The following CYB5D2 variants were observed in gnomAD, a reference collection of about 807,000 sequenced individuals.
CYB5D2 encodes neuferricin.
CYB5D2 carries 23 observed loss-of-function variants against 22.8 expected under a neutral mutation model. The observed-to-expected ratio is 1.01, with a 90% CI of 0.73 to 1.43. The LOEUF (loss-of-function observed/expected upper bound fraction) is 1.43, where lower values mean the gene tolerates loss of function less well. Ranked by LOEUF, CYB5D2 falls within the 40% of genes most tolerant of loss-of-function variation. The pLI, the probability that CYB5D2 is intolerant of heterozygous loss-of-function variation, is 0.00. For synonymous variants in CYB5D2, 170 were observed against 152.2 expected, an observed-to-expected ratio of 1.12 and a Z score of -0.86; for missense variants, 373 against 357.2, an observed-to-expected ratio of 1.04 and a Z score of -0.36.
chr17:4,143,197 G>A lies in CYB5D2; in HGVS notation c.-559G>A. 3.0e-6 allele frequency: 1 copy of A among 333,862 alleles called. No individual in the cohort carries two copies. Among genetic ancestry groups the A allele is most frequent in the Non-Finnish European group, 5.2e-6 (1 of 193,162 alleles). The allele number at this position is 333,862 out of a possible 1,614,324, so 20.7% of individuals were successfully genotyped here. On this transcript the variant is annotated 5_prime_UTR_variant, in exon 1 of 4. Transcript: ENST00000301391. The stretch of plus-strand genomic sequence containing the variant: ...ACGTCATTCCGTAGCCTCCGCTGCC[G>A]CCATCTTTGTTGGGGCTGACAACCT...
At chr17:4,156,636 G>A (rs566638544) in intron 3 of CYB5D2, among the ~76,000 whole-genome samples, 1 of 152,230 alleles carries the variant, frequency 6.6e-6, no homozygotes, top group African/African-American at 2.4e-5. Flanking sequence ...AAGGAACCAT[G>A]GACTGTGCCC....
intron 1 of CYB5D2, among the ~76,000 whole-genome samples, chr17:4,148,993 C>T (rs1380564169): frequency 1.3e-5 from 2 of 151,134 alleles, no homozygotes; most frequent in Admixed American, 6.6e-5. Flanking sequence ...CACCCTGTCA[C>T]GCAGGCTGGA....
chr17:4,157,495 T>G lies in CYB5D2; in HGVS notation c.*413T>G. 1 of 217,718 alleles carries G rather than the reference T, an allele frequency of 4.6e-6. No individual in the cohort carries two copies. Among genetic ancestry groups the G allele is most frequent in the Non-Finnish European group, 9.1e-6 (1 of 109,298 alleles). The allele number at this position is 217,718 out of a possible 1,614,324, so 13.5% of individuals were successfully genotyped here. A position where few individuals can be genotyped will look rare whatever the true frequency, so the allele number is the denominator to read the frequency against. On this transcript the variant is annotated 3_prime_UTR_variant, in exon 4 of 4. Transcript: ENST00000301391. The surrounding 1 kb of genome is among the most constrained non-coding windows in gnomAD (Gnocchi z 4.4). Reference sequence around the variant, plus strand: ...TTCTGGAATTGGAAAAGCTTTTGCTTGTATGGATACAGCAAATCCAGATGT... The same window carrying G: ...TTCTGGAATTGGAAAAGCTTTTGCTGGTATGGATACAGCAAATCCAGATGT...
chr17:4,155,270 C>T (rs975913484), intron 3 of CYB5D2, among the ~76,000 whole-genome samples: 4 of 151,936 alleles, frequency 2.6e-5, no homozygotes, highest in Non-Finnish European at 4.4e-5. Context: ...AGGAGAGGGA[C>T]GAGGAGGTGG....
At chr17:4,155,033 C>T (rs73972066) in intron 3 of CYB5D2, among the ~76,000 whole-genome samples, 173 bp downstream of exon 3, 5,656 of 152,256 alleles carry the variant, frequency 0.037, 349 homozygotes, top group African/African-American at 0.13. Context: ...TGGGGAATTG[C>T]CGAAATTACG....
intron 1 of CYB5D2, among the ~76,000 whole-genome samples, chr17:4,146,345 T>A (rs1214494890): frequency 2.0e-5 from 3 of 152,108 alleles, no homozygotes; most frequent in African/African-American, 7.2e-5. Flanking sequence ...TCCACCTGCC[T>A]AGGTCTCACA....
In CYB5D2 at chr17:4,154,786, G is replaced by A. The variant is rs201456850; in HGVS notation, c.504G>A (p.Glu168=). 1.4e-5 allele frequency: 22 copies of A among 1,614,222 alleles called. No individual in the cohort carries two copies. The East Asian group carries it at 2.7e-4, about 20-fold the overall frequency. ...GLEANKLQLQ[E]KQTFPPCNAE... ...AGGCCAACAAACTACAGCTGCAAGA[G>A]AAGCAGACATTCCCGCCGTGCAACG... is the stretch of plus-strand genomic sequence containing the variant. Residue 168 remains glutamate (E), a synonymous_variant, in exon 3 of 4, where the codon GAG becomes GAA. Transcript: ENST00000301391.
chr17:4,153,603 G>C (rs1018062214), intron 2 of CYB5D2, among the ~76,000 whole-genome samples: 4 of 152,206 alleles, frequency 2.6e-5, no homozygotes, highest in African/African-American at 7.2e-5. Context: ...CTCTAGGAGG[G>C]CATGAGCTGA....
Position 4,157,374 on chromosome 17 carries a change from A to C in CYB5D2, c.*292A>C. 2.1e-6 allele frequency: 1 copy of C among 469,024 alleles called. No homozygotes were observed. Among genetic ancestry groups the C allele is most frequent in the South Asian group, 2.4e-5 (1 of 41,394 alleles). The allele number at this position is 469,024 out of a possible 1,614,324, so 29.1% of individuals were successfully genotyped here. A position where few individuals can be genotyped will look rare whatever the true frequency, so the allele number is the denominator to read the frequency against. The stretch of plus-strand genomic sequence containing the variant: ...ATATCAACGGGCACAAATAAGACCA[A>C]CTCAATTTCCACTTGAATTTACAAC... On this transcript the variant is annotated 3_prime_UTR_variant, in exon 4 of 4. Coordinates refer to ENST00000301391, the MANE Select transcript of CYB5D2 (RefSeq NM_144611.4). This position sits in a 1 kb window ranked among gnomAD's most constrained non-coding sequence, Gnocchi z 4.4.
intron 1 of CYB5D2, among the ~76,000 whole-genome samples, chr17:4,145,844 G>A (rs1279561083): frequency 2.6e-5 from 4 of 152,160 alleles, no homozygotes; most frequent in Admixed American, 2.0e-4. Flanking sequence ...TGTCACCCAG[G>A]CTGGCGTGCA....
chr17:4,151,832 A>G (rs1208587788), intron 2 of CYB5D2, among the ~76,000 whole-genome samples: 1 of 151,942 alleles, frequency 6.6e-6, no homozygotes, highest in African/African-American at 2.4e-5. Flanking sequence ...TGGCAAAACC[A>G]TGTCTCTACT....
In CYB5D2 at chr17:4,154,807, C is replaced by CAACGCGGAGTGGAGCTCAGCCAGGG; in HGVS notation, c.526_550dup (p.Gly184GlufsTer34). 13 of 1,614,212 alleles carry CAACGCGGAGTGGAGCTCAGCCAGGG rather than the reference C, an allele frequency of 8.1e-6. No homozygotes were observed. Among genetic ancestry groups the CAACGCGGAGTGGAGCTCAGCCAGGG allele is most frequent in the African/African-American group, 1.3e-5 (1 of 75,040 alleles). ...AAGAGAAGCAGACATTCCCGCCGTG[C>CAACGCGGAGTGGAGCTCAGCCAGGG]AACGCGGAGTGGAGCTCAGCCAGGG... On this transcript the variant is annotated frameshift_variant, in exon 3 of 4. Coordinates refer to ENST00000301391, the MANE Select transcript of CYB5D2 (RefSeq NM_144611.4). LOFTEE classifies it high-confidence loss of function.
chr17:4,151,231 A>G (rs1567889756), intron 2 of CYB5D2, among the ~76,000 whole-genome samples: 2 of 152,190 alleles, frequency 1.3e-5, no homozygotes, highest in African/African-American at 2.4e-5. Context: ...TTTCTCTCGT[A>G]TGCCCAAGAT....
chr17:4,145,939 T>C (rs991721364), intron 1 of CYB5D2, among the ~76,000 whole-genome samples: 7 of 151,964 alleles, frequency 4.6e-5, no homozygotes, highest in African/African-American at 1.7e-4. Flanking sequence ...GCGGGGACCA[T>C]AGGTGTGCAC....
At chr17:4,156,473 A>G (rs768273875) in intron 3 of CYB5D2, among the ~76,000 whole-genome samples, 1 of 152,242 alleles carries the variant, frequency 6.6e-6, no homozygotes, top group East Asian at 1.9e-4. Context: ...GCTGGGTTGT[A>G]GTGGGGAAGG....
intron 3 of CYB5D2, among the ~76,000 whole-genome samples, chr17:4,155,925 CAGTT>C (rs1419973188): frequency 6.6e-6 from 1 of 152,242 alleles, no homozygotes; most frequent in East Asian, 1.9e-4. Flanking sequence ...TGCCTCAGCT[CAGTT>C]TGTTGTCTTC....
chr17:4,150,320 A>T (rs2059042054), intron 2 of CYB5D2, among the ~76,000 whole-genome samples: 1 of 152,176 alleles, frequency 6.6e-6, no homozygotes, highest in Non-Finnish European at 1.5e-5. Flanking sequence ...CAGCTCCAGA[A>T]GGGCAGCTTC....
rs749242702 is a variant in CYB5D2, at chr17:4,143,831, A to G, written c.76A>G (p.Met26Val). Residue 26 changes from methionine to valine, a missense_variant, in exon 1 of 4, where the codon ATG (methionine) becomes GTG (valine). By Grantham distance (21) the Met-to-Val change is conservative. Transcript: ENST00000301391. ...AGCAGCGGTAATGGCAGCACGGCTT[A>G]TGGGCTGGTGGGGTCCCCGCGCTGG... ...AAAAVMAARLMGWWGPRAGFR... is the reference protein window; with the variant it reads ...AAAAVMAARLVGWWGPRAGFR... 6.2e-7 allele frequency: 1 copy of G among 1,614,140 alleles called. No individual in the cohort carries two copies. The highest frequency in any genetic ancestry group is 8.5e-7 in the Non-Finnish European group (1 of 1,180,002).
intron 1 of CYB5D2, among the ~76,000 whole-genome samples, chr17:4,147,651 C>T (rs189326796): frequency 2.6e-5 from 4 of 152,258 alleles, no homozygotes; most frequent in East Asian, 3.9e-4. Flanking sequence ...TTTGGGAGTT[C>T]GAAACCAGCC....
Sources: gnomAD v4.1 joint callset for allele counts (sites outside exome capture counted in the v4.1 genomes callset) on GRCh38, gnomAD v4.1.1 for gene constraint, Gnocchi (gnomAD v3.1) non-coding constraint, MANE v1.5 for transcripts, NCBI Gene and HGNC (gene_info 2026-07-23, HGNC 2026-07-21) for gene names.